The following LMNA variants were observed in gnomAD, a reference collection of about 807,000 sequenced individuals.
LMNA encodes lamin A/C, also known as lamin.
LMNA carries 20 observed loss-of-function variants against 70.4 expected under a neutral mutation model. The observed-to-expected ratio is 0.28, with a 90% CI of 0.20 to 0.41. The LOEUF (loss-of-function observed/expected upper bound fraction) is 0.41, where lower values mean the gene tolerates loss of function less well. Among genes scored for constraint, LMNA ranks in the 10% least tolerant of loss-of-function variants. LMNA has a pLI of 1.00. For synonymous variants in LMNA, 339 were observed against 372.8 expected (o/e 0.91, Z 1.04); for missense variants, 652 against 917.2 (o/e 0.71, Z 3.73).
At chr1:156,087,635 C>T (rs1324717293) in intron 2 of LMNA, among the ~76,000 whole-genome samples, 2 of 151,976 alleles carry the variant, frequency 1.3e-5, no homozygotes, top group Non-Finnish European at 2.9e-5. Flanking sequence ...CTCACTGAAG[C>T]CTTGATCTCC....
rs1470470046 is a variant in LMNA, at chr1:156,116,105, C to T, written c.356+831C>T. ...TGTGTTATGCCCAGGTCTGGCCGCA[C>T]TCCTCCCTTGGCCCTCTGCCTAGTG... On this transcript the variant is annotated intron_variant, in intron 1 of 11. Coordinates refer to ENST00000368300, the MANE Select transcript of LMNA (RefSeq NM_170707.4). Among the ~76,000 whole-genome samples the T allele has an allele frequency of 3.3e-5, 5 of 152,230 alleles. 1 individual carries two copies. The highest frequency in any genetic ancestry group is 4.8e-5 in the African/African-American group (2 of 41,462).
rs1651381914 is a variant in LMNA at position 156,134,733 on chromosome 1, C to T, written c.640-72C>T. ...TGGAGTAGGGCTGGGCAGGGAGCCC[C>T]GCCCCTGGGTCTTGGCCTCCCAGGA... is the stretch of plus-strand genomic sequence containing the variant. On this transcript the variant is annotated intron_variant, in intron 3 of 11. Coordinates refer to ENST00000368300, the MANE Select transcript of LMNA (RefSeq NM_170707.4). This position sits in a 1 kb window ranked among gnomAD's most constrained non-coding sequence, Gnocchi z 5.3. The T allele has an allele frequency of 1.4e-5, 23 of 1,589,592 alleles. No homozygotes were observed. The highest frequency in any genetic ancestry group is 1.3e-4 in the South Asian group (12 of 90,304).
chr1:156,135,143 C>A lies in LMNA; in HGVS notation c.811-44C>A. ...GCCCAACTCAGGCCTGTGCCTCCAC[C>A]CCTCCCAGTCACCACAGTCCTAACC... On this transcript the variant is annotated intron_variant, in intron 4 of 11. Transcript: ENST00000368300. This position sits in a 1 kb window ranked among gnomAD's most constrained non-coding sequence, Gnocchi z 4.8. 6.2e-7 allele frequency: 1 copy of A among 1,613,780 alleles called. No homozygotes were observed. The highest frequency in any genetic ancestry group is 1.1e-5 in the South Asian group (1 of 91,010).
chr1:156,097,697 G>A (rs947339799), intron 3 of LMNA, among the ~76,000 whole-genome samples: 1 of 152,206 alleles, frequency 6.6e-6, no homozygotes, highest in African/African-American at 2.4e-5. Flanking sequence ...TCAGACCCCA[G>A]AGGAGATGGA....
In LMNA at chr1:156,115,372, A is replaced by G. The variant is rs572267790; in HGVS notation, c.356+98A>G. ...GCAGGAAGGGAGTGAGAGGGCCTGG[A>G]GGCCGATAACTTTGCCATAGTCTCC... On this transcript the variant is annotated intron_variant, in intron 1 of 11. Transcript: ENST00000368300. The surrounding 1 kb of genome is among the most constrained non-coding windows in gnomAD (Gnocchi z 5.8). The G allele has an allele frequency of 5.9e-4, 659 of 1,125,454 alleles. No individual in the cohort carries two copies. Among genetic ancestry groups the G allele is most frequent in the Middle Eastern group, 3.3e-3 (13 of 3,912 alleles). The allele number at this position is 1,125,454 out of a possible 1,614,324, so 69.7% of individuals were successfully genotyped here.
chr1:156,130,523 A>C, intron 1 of LMNA, 94 bp from the exon 2 acceptor site: 1 of 1,341,920 alleles, frequency 7.5e-7, no homozygotes, highest in Non-Finnish European at 1.1e-6. Context: ...CAGGCATAGC[A>C]GCGCCAGCCC....
chr1:156,135,767 G>A lies in LMNA; in HGVS notation c.937-134G>A. On this transcript the variant is annotated intron_variant, in intron 5 of 11. Transcript: ENST00000368300. This position sits in a 1 kb window ranked among gnomAD's most constrained non-coding sequence, Gnocchi z 4.8. ...GCTTGTGATGTTCAGAGCTGGCTCT[G>A]ATGAGGGCTCTGGGGAAGCTCTGAT... 1 of 746,998 alleles carries A rather than the reference G, an allele frequency of 1.3e-6. No homozygotes were observed. Among genetic ancestry groups the A allele is most frequent in the Non-Finnish European group, 2.3e-6 (1 of 440,590 alleles). 46.3% of individuals were successfully genotyped at this position (746,998 alleles called of 1,614,324 possible).
rs376875762 is a variant in LMNA, at chr1:156,136,035, C to A, written c.1071C>A (p.Asp357Glu). 6.2e-7 allele frequency: 1 copy of A among 1,614,186 alleles called. No individual in the cohort carries two copies. The highest frequency in any genetic ancestry group is 8.5e-7 in the Non-Finnish European group (1 of 1,180,046). Residue 357 changes from aspartate to glutamate, a missense_variant, in exon 6 of 12, where the codon GAC (aspartate) becomes GAA (glutamate). By Grantham distance (45) the Asp-to-Glu change is conservative (BLOSUM62 2). Coordinates refer to ENST00000368300, the MANE Select transcript of LMNA (RefSeq NM_170707.4). The surrounding 1 kb of genome is among the most constrained non-coding windows in gnomAD (Gnocchi z 6.1). ...GGGCAAGGATGCAGCAGCAGCTGGA[C>A]GAGTACCAGGAGCTTCTGGACATCA... ...EMRARMQQQL[D>E]EYQELLDIKL...
chr1:156,125,880 C>T (rs1416820143), intron 1 of LMNA, among the ~76,000 whole-genome samples: 1 of 151,744 alleles, frequency 6.6e-6, no homozygotes, highest in Non-Finnish European at 1.5e-5. Context: ...TCCAGCTACT[C>T]GGGAGGCTGA....
chr1:156,127,509 G>GTTT lies in LMNA; in HGVS notation c.357-3083_357-3081dup, dbSNP rs1170940332. On this transcript the variant is annotated intron_variant, in intron 1 of 11. Coordinates refer to ENST00000368300, the MANE Select transcript of LMNA (RefSeq NM_170707.4). ...GGGAAAGACAAATAACCCCCTTACT[G>GTTT]TTTTTTTTTTTTTTTTTTTTTTTTT... Among the ~76,000 whole-genome samples the GTTT allele has an allele frequency of 4.9e-4, 41 of 84,496 alleles. 2 individuals carry two copies. The highest frequency in any genetic ancestry group is 6.3e-4 in the Non-Finnish European group (28 of 44,106). 55.4% of individuals were successfully genotyped at this position (84,496 alleles called of 152,430 possible).
upstream of LMNA, among the ~76,000 whole-genome samples, chr1:156,114,441 A>C (rs1202804336): frequency 1.3e-5 from 2 of 151,772 alleles, no homozygotes; most frequent in African/African-American, 4.8e-5. Flanking sequence ...TCTGCCCTCT[A>C]GCCCAGAAGG....
chr1:156,139,965 C>T lies in LMNA; in HGVS notation c.*859C>T. On this transcript the variant is annotated 3_prime_UTR_variant, in exon 12 of 12. Transcript: ENST00000368300. ...TGGCACCCACCGTGGAGGAGGAAGG[C>T]AAGAGGGGGTGGAGGGGTGTGGCAG... The T allele has an allele frequency of 1.2e-6, 1 of 859,730 alleles. No individual in the cohort carries two copies. 53.3% of individuals were successfully genotyped at this position (859,730 alleles called of 1,614,324 possible). A position where few individuals can be genotyped will look rare whatever the true frequency, so the allele number is the denominator to read the frequency against.
At chr1:156,101,225 C>T (rs1288137962) in intron 3 of LMNA, among the ~76,000 whole-genome samples, 2 of 152,118 alleles carry the variant, frequency 1.3e-5, no homozygotes, top group Non-Finnish European at 2.9e-5. Flanking sequence ...TGGCACCTCA[C>T]GCCTATAATC....
upstream of LMNA, chr1:156,109,818 G>GTGTGTGTGTGTGTGTGTA (rs1553261281): frequency 1.5e-5 from 2 of 131,722 alleles, no homozygotes; most frequent in African/African-American, 5.5e-5. Flanking sequence ...GTGTGTGTGT[G>GTGTGTGTGTGTGTGTGTA]CATATATATA....
At chr1:156,088,983 G>C (rs1027703363) in intron 2 of LMNA, among the ~76,000 whole-genome samples, 2 of 152,114 alleles carry the variant, frequency 1.3e-5, no homozygotes, top group African/African-American at 4.8e-5. Context: ...TTATTTGTTT[G>C]TTTGTTTATT....
At chr1:156,112,822 A>C (rs1400589128), upstream of LMNA, among the ~76,000 whole-genome samples, 2 of 152,190 alleles carry the variant, frequency 1.3e-5, no homozygotes, top group African/African-American at 4.8e-5. Flanking sequence ...CCCAGAACTG[A>C]GGGCCTGTCC....
intron 3 of LMNA, among the ~76,000 whole-genome samples, chr1:156,093,140 T>C (rs1648774289): frequency 6.6e-6 from 1 of 151,892 alleles, no homozygotes; most frequent in South Asian, 2.1e-4. Flanking sequence ...CTGCCCACCT[T>C]GGCCCCCCCA....
intron 3 of LMNA, among the ~76,000 whole-genome samples, chr1:156,096,864 G>A (rs1212375345): frequency 6.6e-6 from 1 of 152,234 alleles, no homozygotes; most frequent in East Asian, 1.9e-4. Context: ...CAGGCGCTGA[G>A]GGTTCTCAGC....
At chr1:156,088,915 G>A (rs1290277802) in intron 2 of LMNA, among the ~76,000 whole-genome samples, 1 of 152,190 alleles carries the variant, frequency 6.6e-6, no homozygotes, top group African/African-American at 2.4e-5. Flanking sequence ...GTCTCCCAAA[G>A]TGCTGATATT....
Sources: gnomAD v4.1 joint callset for allele counts (sites outside exome capture counted in the v4.1 genomes callset) on GRCh38, gnomAD v4.1.1 for gene constraint, Gnocchi (gnomAD v3.1) non-coding constraint, MANE v1.5 for transcripts, NCBI Gene and HGNC (gene_info 2026-07-23, HGNC 2026-07-21) for gene names.